Variants in LOC400499 observed in about 807,000 individuals in gnomAD.
At chr16:11,459,052 TA>T in the LOC400499 span, among the ~76,000 whole-genome samples, 1 of 150,842 alleles carries the variant, frequency 6.6e-6, no homozygotes, top group Non-Finnish European at 1.5e-5. Context: ...AAATAAAAAA[TA>T]AAATAAATAA....
chr16:11,490,906 G>A, the LOC400499 span, among the ~76,000 whole-genome samples: 2 of 152,210 alleles, frequency 1.3e-5, no homozygotes, highest in African/African-American at 4.8e-5. Flanking sequence ...TTTTCCATTT[G>A]TCCCTTGCCT....
the LOC400499 span, chr16:11,448,135 T>A: frequency 1.3e-5 from 19 of 1,494,254 alleles, no homozygotes; most frequent in Admixed American, 2.2e-5. Context: ...CAGACCTGCC[T>A]TGCAGGAAGG....
the LOC400499 span, among the ~76,000 whole-genome samples, chr16:11,386,692 T>C: frequency 5.3e-5 from 8 of 152,116 alleles, no homozygotes; most frequent in Admixed American, 1.3e-4. Context: ...CAGCATTTCA[T>C]GGTGGAGGAA....
At chr16:11,448,550 ACAAACAAACAAACAAAC>A in the LOC400499 span, among the ~76,000 whole-genome samples, 3 of 147,132 alleles carry the variant, frequency 2.0e-5, no homozygotes, top group African/African-American at 5.4e-5. Flanking sequence ...AAACAAACAA[ACAAACAAACAAACAAAC>A]GTCAGTGATG....
At chr16:11,493,253 C>T in the LOC400499 span, among the ~76,000 whole-genome samples, 1 of 152,224 alleles carries the variant, frequency 6.6e-6, no homozygotes, top group Non-Finnish European at 1.5e-5. Flanking sequence ...CATGCGGTCT[C>T]TTGCAATGAC....
the LOC400499 span, among the ~76,000 whole-genome samples, chr16:11,414,811 C>T: frequency 6.6e-6 from 1 of 152,178 alleles, no homozygotes; most frequent in Non-Finnish European, 1.5e-5. Context: ...ATCTGAAGTC[C>T]CTCCCAGTCC....
At chr16:11,458,070 C>T in the LOC400499 span, among the ~76,000 whole-genome samples, 3 of 152,298 alleles carry the variant, frequency 2.0e-5, no homozygotes, top group East Asian at 1.9e-4. Context: ...CAGGGCTGGG[C>T]GTGGTGGCTC....
the LOC400499 span, chr16:11,460,859 A>G: frequency 7.2e-7 from 1 of 1,383,660 alleles, no homozygotes; most frequent in Non-Finnish European, 9.5e-7. Flanking sequence ...CTAATGGAAA[A>G]CCCCGTGGTG....
chr16:11,401,246 C>T, the LOC400499 span: 1 of 399,042 alleles, frequency 2.5e-6, no homozygotes, highest in Non-Finnish European at 4.4e-6. Context: ...GCCAAGGGCG[C>T]CTGGGACATC....
chr16:11,453,867 G>A, the LOC400499 span, among the ~76,000 whole-genome samples: 1 of 152,130 alleles, frequency 6.6e-6, no homozygotes, highest in African/African-American at 2.4e-5. Flanking sequence ...AACATTAGAA[G>A]CTCAGTTTTC....
chr16:11,414,679 GC>G, the LOC400499 span: 1 of 397,256 alleles, frequency 2.5e-6, no homozygotes, highest in Non-Finnish European at 4.4e-6. Flanking sequence ...ACCCCTTTGA[GC>G]CTCCGTGACA....
chr16:11,420,602 C>G, the LOC400499 span, among the ~76,000 whole-genome samples: 4 of 83,046 alleles, frequency 4.8e-5, no homozygotes, highest in African/African-American at 2.0e-4. Context: ...AATAAACCCC[C>G]CCCCCCGGAA....
the LOC400499 span, chr16:11,462,101 G>A: frequency 1.4e-6 from 2 of 1,475,390 alleles, no homozygotes; most frequent in South Asian, 2.6e-5. Context: ...GGGACAGAAG[G>A]GGTCTCATCT....
At chr16:11,413,159 C>G in the LOC400499 span, among the ~76,000 whole-genome samples, 1 of 152,166 alleles carries the variant, frequency 6.6e-6, no homozygotes, top group Admixed American at 6.5e-5. Context: ...GCAGTGCCCA[C>G]CGAGGGACCT....
At chr16:11,415,974 G>C in the LOC400499 span, among the ~76,000 whole-genome samples, 1 of 122,022 alleles carries the variant, frequency 8.2e-6, no homozygotes, top group South Asian at 2.6e-4. Flanking sequence ...TTTTTTTTTT[G>C]AGACAGAGTT....
chr16:11,400,985 A>G, the LOC400499 span, among the ~76,000 whole-genome samples: 2 of 152,172 alleles, frequency 1.3e-5, no homozygotes, highest in African/African-American at 4.8e-5. Context: ...ACTATAAATG[A>G]TCAATCAGAG....
At chr16:11,449,806 A>C in the LOC400499 span, among the ~76,000 whole-genome samples, 14,593 of 152,148 alleles carry the variant, frequency 0.096, 1,616 homozygotes, top group East Asian at 0.3. Context: ...AGAGCCATTT[A>C]TTTCCTTTCC....
At chr16:11,434,917 C>G in the LOC400499 span, among the ~76,000 whole-genome samples, 3 of 151,950 alleles carry the variant, frequency 2.0e-5, no homozygotes, top group Admixed American at 1.3e-4. Context: ...TGAGACCAGA[C>G]GGAGACGCAC....
the LOC400499 span, among the ~76,000 whole-genome samples, chr16:11,453,443 G>C: frequency 6.6e-6 from 1 of 151,908 alleles, no homozygotes; most frequent in Admixed American, 6.6e-5. Context: ...AAAAGAAAAA[G>C]GAAACTCCGA....
Sources: allele counts gnomAD v4.1 joint callset (sites outside exome capture counted in the v4.1 genomes callset), GRCh38; gene constraint gnomAD v4.1.1; transcripts MANE v1.5.